Variants in TRMT11 observed in about 807,000 individuals in gnomAD.
TRMT11 encodes the protein tRNA methyltransferase 11.
Under a neutral mutation model 62.8 loss-of-function variants are expected in TRMT11, and 53 were observed. That is an observed-to-expected ratio of 0.84 (90% CI 0.68 to 1.06). The LOEUF (loss-of-function observed/expected upper bound fraction) is 1.06. Ranked by LOEUF, TRMT11 falls within the 50% of genes least tolerant of loss-of-function variation. The pLI is 0.00. For synonymous variants in TRMT11, 188 were observed against 190.3 expected, an observed-to-expected ratio of 0.99 and a Z score of 0.10; for missense variants, 556 against 553.4, an observed-to-expected ratio of 1.00 and a Z score of -0.05.
At chr6:126,189,897 T>C (rs1056361471) in intron 1 of TRMT11, among the ~76,000 whole-genome samples, 6 of 152,140 alleles carry the variant, frequency 3.9e-5, no homozygotes, top group Non-Finnish European at 7.4e-5. Context: ...CTTTGATTCT[T>C]TTGTATTTTT....
chr6:126,229,207 T>A, the TRMT11 span, among the ~76,000 whole-genome samples: 3 of 152,372 alleles, frequency 2.0e-5, no homozygotes, highest in South Asian at 4.1e-4. Context: ...ATTTTTTGTC[T>A]AGATCTTTAA....
intron 12 of TRMT11, among the ~76,000 whole-genome samples, chr6:126,032,013 A>C (rs1486619715): frequency 6.6e-6 from 1 of 152,122 alleles, no homozygotes; most frequent in Non-Finnish European, 1.5e-5. Context: ...CTCGGTGACT[A>C]ATTGGATAAT....
At chr6:126,021,502 G>A (rs192904859) in intron 12 of TRMT11, among the ~76,000 whole-genome samples, 3 of 152,300 alleles carry the variant, frequency 2.0e-5, no homozygotes, top group African/African-American at 7.2e-5. Context: ...AGTTCAAATA[G>A]ACGTTGACCC....
chr6:126,091,048 A>G (rs1777270337), intron 17 of TRMT11, among the ~76,000 whole-genome samples: 1 of 152,064 alleles, frequency 6.6e-6, no homozygotes, highest in South Asian at 2.1e-4. Flanking sequence ...AGTCTCTACT[A>G]AAAATACAAA....
chr6:126,136,989 T>C (rs1383156602), intron 21 of TRMT11, among the ~76,000 whole-genome samples: 1 of 150,624 alleles, frequency 6.6e-6, no homozygotes, highest in East Asian at 1.9e-4. Context: ...AAAAATTAAC[T>C]CAAATTGGAT....
chr6:125,991,415 A>T (rs1156601909), intron 1 of TRMT11, among the ~76,000 whole-genome samples: 1 of 151,506 alleles, frequency 6.6e-6, no homozygotes, highest in Non-Finnish European at 1.5e-5. Flanking sequence ...TGTCTGGCTA[A>T]TTTTTTTATT....
chr6:126,080,553 C>T (rs1049309655), intron 17 of TRMT11, among the ~76,000 whole-genome samples: 2 of 152,066 alleles, frequency 1.3e-5, no homozygotes, highest in South Asian at 2.1e-4. Context: ...ATCATTGCTG[C>T]GAGTAAATAC....
intron 21 of TRMT11, among the ~76,000 whole-genome samples, chr6:126,124,913 A>T (rs1777697643): frequency 6.6e-6 from 1 of 152,110 alleles, no homozygotes; most frequent in African/African-American, 2.4e-5. Context: ...CCATCCTCAG[A>T]TGCAAATCTC....
At chr6:126,049,919 A>G (rs1378360265) in intron 16 of TRMT11, among the ~76,000 whole-genome samples, 3 of 152,202 alleles carry the variant, frequency 2.0e-5, no homozygotes, top group Admixed American at 6.5e-5. Context: ...TCAGAAGATG[A>G]TAGGTACTAA....
At chr6:126,116,334 C>A (rs1777586742) in intron 21 of TRMT11, among the ~76,000 whole-genome samples, 3 of 151,970 alleles carry the variant, frequency 2.0e-5, no homozygotes, top group South Asian at 4.1e-4. Context: ...AACTTTATTA[C>A]CTTCATTATT....
At chr6:126,139,688 G>A (rs1469258630) in intron 21 of TRMT11, among the ~76,000 whole-genome samples, 2 of 152,002 alleles carry the variant, frequency 1.3e-5, no homozygotes, top group African/African-American at 4.8e-5. Flanking sequence ...AATATTTATG[G>A]CCACATACTA....
intron 12 of TRMT11, among the ~76,000 whole-genome samples, chr6:126,030,081 T>C (rs1484668473): frequency 6.6e-6 from 1 of 152,242 alleles, no homozygotes; most frequent in Non-Finnish European, 1.5e-5. Flanking sequence ...AATTCAAGGA[T>C]GAAGATTTCC....
the TRMT11 span, among the ~76,000 whole-genome samples, chr6:126,261,950 G>A: frequency 6.6e-6 from 1 of 152,170 alleles, no homozygotes; most frequent in Non-Finnish European, 1.5e-5. Context: ...TCTGTCTAGG[G>A]GTGGGCCACT....
chr6:126,005,399 C>T (rs929557355), intron 7 of TRMT11, among the ~76,000 whole-genome samples: 13 of 152,012 alleles, frequency 8.6e-5, no homozygotes, highest in African/African-American at 2.9e-4. Context: ...CTTAACTTGT[C>T]TGGGTTTCAC....
intron 17 of TRMT11, among the ~76,000 whole-genome samples, chr6:126,081,329 C>T (rs547807814): frequency 9.2e-5 from 14 of 152,274 alleles, no homozygotes; most frequent in Middle Eastern, 6.8e-3. Flanking sequence ...GTAGACTTCA[C>T]GCTCTTGAGT....
intron 17 of TRMT11, among the ~76,000 whole-genome samples, chr6:126,068,470 G>A (rs537995784): frequency 2.6e-5 from 4 of 152,256 alleles, no homozygotes; most frequent in South Asian, 4.1e-4. Context: ...TTAATGTGTG[G>A]TGTGAGTTAG....
At chr6:126,018,605 G>A (rs529371807) in intron 11 of TRMT11, among the ~76,000 whole-genome samples, 3 of 151,302 alleles carry the variant, frequency 2.0e-5, no homozygotes, top group African/African-American at 4.9e-5. Context: ...CCTCACCCCC[G>A]AGAAGTACCC....
At chr6:126,271,807 C>T in the TRMT11 span, among the ~76,000 whole-genome samples, 1 of 151,946 alleles carries the variant, frequency 6.6e-6, no homozygotes, top group Non-Finnish European at 1.5e-5. Context: ...TGTAGAAGGT[C>T]GATATCAGAG....
At chr6:126,195,867 C>T (rs1562346211) in intron 1 of TRMT11, among the ~76,000 whole-genome samples, 1 of 152,088 alleles carries the variant, frequency 6.6e-6, no homozygotes, top group African/African-American at 2.4e-5. Flanking sequence ...AAGAGATGGC[C>T]TCTTTCTTTC....
Sources: allele counts gnomAD v4.1 joint callset (sites outside exome capture counted in the v4.1 genomes callset), GRCh38; gene constraint gnomAD v4.1.1; transcripts MANE v1.5; gene names NCBI Gene and HGNC (gene_info 2026-07-23, HGNC 2026-07-21).